The following RNF19B variants were observed in gnomAD, a reference collection of about 807,000 sequenced individuals.
RNF19B encodes the protein ring finger protein 19B.
Under a neutral mutation model 65.5 loss-of-function variants are expected in RNF19B, and 23 were observed. The ratio of observed to expected loss-of-function variants is 0.35; its 90% confidence interval spans 0.25 to 0.50. The LOEUF is 0.50. Among genes scored for constraint, RNF19B ranks in the 20% least tolerant of loss-of-function variants. The probability of loss-of-function intolerance (pLI) is 0.98; values close to 1 mark genes in which losing one functional copy is unlikely to be tolerated. For missense variants in RNF19B, 794 were observed against 980.0 expected (o/e 0.81, Z 2.53); for synonymous variants, 372 against 379.6 (o/e 0.98, Z 0.23).
At chr1:32,937,551 T>TA (rs1028333297) in intron 8 of RNF19B, among the ~76,000 whole-genome samples, 4 of 151,436 alleles carry the variant, frequency 2.6e-5, no homozygotes, top group Non-Finnish European at 4.4e-5. Context: ...GTTTCTAAAA[T>TA]AAAAAAAATT....
intron 1 of RNF19B, among the ~76,000 whole-genome samples, chr1:32,951,866 C>T (rs904118278): frequency 4.0e-5 from 6 of 151,174 alleles, no homozygotes; most frequent in Admixed American, 3.3e-4. Context: ...GGCGTGATCT[C>T]GGCTCACTGC....
downstream of RNF19B, among the ~76,000 whole-genome samples, chr1:32,934,987 A>C (rs1366150766): frequency 6.9e-6 from 1 of 144,952 alleles, no homozygotes; most frequent in South Asian, 2.2e-4. Context: ...GTGCGCCACC[A>C]CGCCCAGCTA....
At chr1:32,935,281 A>G (rs1257990133), downstream of RNF19B, among the ~76,000 whole-genome samples, 2 of 151,450 alleles carry the variant, frequency 1.3e-5, no homozygotes, top group African/African-American at 4.9e-5. Flanking sequence ...GGAATTACAG[A>G]CACATGCCAC....
intron 1 of RNF19B, among the ~76,000 whole-genome samples, chr1:32,962,627 A>C (rs997053491): frequency 3.9e-5 from 6 of 152,230 alleles, no homozygotes; most frequent in African/African-American, 1.4e-4. Context: ...TGGAGATTTC[A>C]AAACCACCTT....
chr1:32,961,225 A>G (rs1642762594), intron 1 of RNF19B, among the ~76,000 whole-genome samples: 1 of 152,230 alleles, frequency 6.6e-6, no homozygotes, highest in African/African-American at 2.4e-5. Flanking sequence ...GAGGCTGTTA[A>G]CAACAGGAAT....
intron 7 of RNF19B, 75 bp downstream of exon 7, chr1:32,942,177 G>A: frequency 8.4e-7 from 1 of 1,195,306 alleles, no homozygotes; most frequent in East Asian, 2.4e-5. Context: ...GCACAAGCCT[G>A]GCACAGAGAA....
In RNF19B at chr1:32,938,474, A is replaced by C. The variant is rs1238949911; in HGVS notation, c.1665T>G (p.Ser555Arg). 1 of 1,614,152 alleles carries C rather than the reference A, an allele frequency of 6.2e-7. No homozygotes were observed. Among genetic ancestry groups the C allele is most frequent in the Admixed American group, 1.7e-5 (1 of 60,016 alleles). The change falls in exon 8 of 9, where the codon AGT (serine) becomes AGG (arginine). Residue 555 changes from serine (S) to arginine (R), a missense_variant. Physicochemically the swap from Ser to Arg is moderately radical, Grantham distance 110. This residue lies in a region of RNF19B where 368 missense variants were observed against 447.3 expected (regional missense o/e 0.82). Transcript: ENST00000235150. ...QKEIFPKDTA[S>R]LGAISDNAST... is the part of the protein sequence containing the mutation. ...TTGCGTTGTCACTAATTGCACCAAGACTGGCTGTGTCTTTGGGGAAAATTT... is the reference window on the plus strand; with the variant it reads ...TTGCGTTGTCACTAATTGCACCAAGCCTGGCTGTGTCTTTGGGGAAAATTT...
rs2124201345 is a variant in RNF19B at position 32,964,202 on chromosome 1, T to C, written c.484A>G (p.Ser162Gly). ...LEISESRVPI[S>G]CPECSERLNP... ...AGTCGCTCGCTGCACTCGGGGCAGC[T>C]GATGGGCACCCTGCTCTCGCTTATC... The change falls in exon 1 of 9, where the codon AGC becomes GGC. Residue 162 changes from serine to glycine, a missense_variant. Ser to Gly is a moderately conservative substitution (Grantham distance 56, BLOSUM62 0). Around this residue, in one of 3 missense-constraint regions of RNF19B, gnomAD observed 374 missense variants for 423.8 expected, o/e 0.88. Transcript: ENST00000235150. The surrounding 1 kb of genome is among the most constrained non-coding windows in gnomAD (Gnocchi z 6.5). 6.5e-7 allele frequency: 1 copy of C among 1,546,684 alleles called. No individual in the cohort carries two copies. The highest frequency in any genetic ancestry group is 8.7e-7 in the Non-Finnish European group (1 of 1,145,428).
intron 8 of RNF19B, among the ~76,000 whole-genome samples, chr1:32,937,795 C>CA (rs1379517114): frequency 6.6e-6 from 1 of 152,082 alleles, no homozygotes; most frequent in Admixed American, 6.6e-5. Context: ...CACGTGTGCT[C>CA]AGATGCACAC....
At chr1:32,946,245 G>T (rs937636989) in intron 4 of RNF19B, among the ~76,000 whole-genome samples, 157 bp downstream of exon 4, 1 of 152,142 alleles carries the variant, frequency 6.6e-6, no homozygotes, top group African/African-American at 2.4e-5. Flanking sequence ...TCTCATGGGG[G>T]TTTATGAAAA....
rs189541074 is a variant in RNF19B at position 32,943,446 on chromosome 1, G to A, written c.1402+573C>T. Among the ~76,000 whole-genome samples, 4 of 150,872 alleles carry A rather than the reference G, an allele frequency of 2.7e-5. No individual in the cohort carries two copies. In the East Asian group the frequency reaches 7.9e-4, roughly 30 times the overall value. ...CTAACACGGTGAAACACCAAACCCCGTCTATACTAAAAAAAAAAAATTAGC... is the reference window on the plus strand; with the variant it reads ...CTAACACGGTGAAACACCAAACCCCATCTATACTAAAAAAAAAAAATTAGC... On this transcript the variant is annotated intron_variant, in intron 6 of 8. Transcript: ENST00000235150.
intron 7 of RNF19B, among the ~76,000 whole-genome samples, chr1:32,940,290 C>G (rs1005854250): frequency 3.9e-5 from 6 of 152,124 alleles, no homozygotes; most frequent in African/African-American, 1.4e-4. Context: ...CGGATCACCC[C>G]CTAGGTGCCA....
At chr1:32,938,019 G>A (rs2124105036) in intron 8 of RNF19B, among the ~76,000 whole-genome samples, 1 of 151,194 alleles carries the variant, frequency 6.6e-6, no homozygotes, top group Admixed American at 6.6e-5. Flanking sequence ...AGAGAAAGAA[G>A]CTATGGGAAT....
In RNF19B at chr1:32,964,455, G is replaced by C; in HGVS notation, c.231C>G (p.Pro77=). 1 of 990,170 alleles carries C rather than the reference G, an allele frequency of 1.0e-6. No homozygotes were observed. The highest frequency in any genetic ancestry group is 1.2e-6 in the Non-Finnish European group (1 of 833,314). The allele number at this position is 990,170 out of a possible 1,614,324, so 61.3% of individuals were successfully genotyped here. A position where few individuals can be genotyped will look rare whatever the true frequency, so the allele number is the denominator to read the frequency against. The part of the protein sequence containing the change: ...PAPAAAQGPP[P]EALPAEPAAE... The stretch of plus-strand genomic sequence containing the variant: ...CGGCCGGCTCGGCGGGCAGCGCCTC[G>C]GGCGGCGGGCCCTGGGCCGCGGCAG... The change falls in exon 1 of 9, where the codon CCC becomes CCG. Residue 77 remains proline (P), a synonymous_variant. Transcript: ENST00000235150. The surrounding 1 kb of genome is among the most constrained non-coding windows in gnomAD (Gnocchi z 6.5).
downstream of RNF19B, among the ~76,000 whole-genome samples, chr1:32,933,348 G>A (rs912674258): frequency 2.0e-5 from 3 of 151,974 alleles, no homozygotes; most frequent in African/African-American, 2.4e-5. Flanking sequence ...TTTGCCTCCC[G>A]GGTTCACGCC....
intron 1 of RNF19B, among the ~76,000 whole-genome samples, chr1:32,951,955 C>T (rs962060644): frequency 1.4e-5 from 2 of 145,334 alleles, no homozygotes; most frequent in South Asian, 2.2e-4. Flanking sequence ...CCACCACGCC[C>T]GGCTTTTTTT....
chr1:32,949,657 G>A lies in RNF19B; in HGVS notation c.753C>T (p.Cys251=), dbSNP rs113996980. The A allele has an allele frequency of 3.0e-4, 479 of 1,613,842 alleles. 2 individuals are homozygous for A. In the African/African-American group the frequency reaches 5.9e-3, roughly 20 times the overall value. ...GGGCCCTCTGTTGACGGGCCATATC[G>A]CATGTCTGATTTGGATGCCATATCT... ...CKQIWHPNQT[C]DMARQQRAQT... Residue 251 remains cysteine (C), a synonymous_variant, in exon 2 of 9, where the codon TGC becomes TGT. Transcript: ENST00000235150.
chr1:32,964,100 A>G lies in RNF19B; in HGVS notation c.586T>C (p.Tyr196His). 10 of 1,530,286 alleles carry G rather than the reference A, an allele frequency of 6.5e-6. No homozygotes were observed. The highest frequency in any genetic ancestry group is 8.8e-6 in the Non-Finnish European group (10 of 1,138,840). The allele number at this position is 1,530,286 out of a possible 1,614,324, so 94.8% of individuals were successfully genotyped here. Residue 196 changes from tyrosine (Y) to histidine (H), a missense_variant, in exon 1 of 9, where the codon TAC becomes CAC. Physicochemically the swap from Tyr to His is moderately conservative, Grantham distance 83. Transcript: ENST00000235150. The surrounding 1 kb of genome is among the most constrained non-coding windows in gnomAD (Gnocchi z 6.5). The part of the protein sequence containing the change: ...HKYEEFMLRR[Y>H]LASDPDCRWC... ...CGGCAGTCGGGGTCCGAGGCTAGGT[A>G]GCGGCGCAGCATGAACTCCTCGTAC...
intron 1 of RNF19B, among the ~76,000 whole-genome samples, chr1:32,952,457 A>AC (rs1642529470): frequency 7.4e-6 from 1 of 134,602 alleles, no homozygotes; most frequent in African/African-American, 2.7e-5. Context: ...AAAAAAAAAA[A>AC]AACAGCCTGG....
Sources: allele counts gnomAD v4.1 joint callset (sites outside exome capture counted in the v4.1 genomes callset), GRCh38; gene constraint gnomAD v4.1.1; regional missense constraint gnomAD v4.1.1; non-coding constraint Gnocchi (gnomAD v3.1); transcripts MANE v1.5; gene names NCBI Gene and HGNC (gene_info 2026-07-23, HGNC 2026-07-21).